The following EFCAB5 variants were observed in gnomAD, a reference collection of about 807,000 sequenced individuals.
EFCAB5 encodes the protein EF-hand calcium-binding domain-containing protein 5.
A neutral mutation model predicts 167.9 loss-of-function variants in EFCAB5; 131 were observed. The observed-to-expected ratio is 0.78, with a 90% CI of 0.68 to 0.90. The LOEUF (loss-of-function observed/expected upper bound fraction) is 0.90, where lower values mean the gene tolerates loss of function less well. EFCAB5 is among the 40% of genes least tolerant of loss of function. EFCAB5 has a pLI of 0.00. For missense variants in EFCAB5, 1,663 were observed against 1,745.2 expected (o/e 0.95, Z 0.84); for synonymous variants, 574 against 602.8 (o/e 0.95, Z 0.70).
chr17:30,068,867 A>T, intron 14 of EFCAB5: 2 of 1,467,004 alleles, frequency 1.4e-6, no homozygotes, highest in Non-Finnish European at 1.9e-6. Flanking sequence ...GCTTATAGCC[A>T]TACCATGTCT....
At chr17:29,984,314 A>G (rs2068236589) in intron 4 of EFCAB5, among the ~76,000 whole-genome samples, 1 of 151,604 alleles carries the variant, frequency 6.6e-6, no homozygotes, top group Non-Finnish European at 1.5e-5. Flanking sequence ...CAGAAGAAGC[A>G]GAAGAAGACA....
chr17:30,028,088 AG>A (rs1208054934), intron 7 of EFCAB5, among the ~76,000 whole-genome samples: 6 of 152,206 alleles, frequency 3.9e-5, no homozygotes, highest in African/African-American at 1.4e-4. Context: ...AGGAGGAATA[AG>A]GGCCATGCCT....
At chr17:29,989,346 A>G (rs1253710284) in intron 4 of EFCAB5, among the ~76,000 whole-genome samples, 1 of 152,252 alleles carries the variant, frequency 6.6e-6, no homozygotes, top group East Asian at 1.9e-4. Context: ...TAACACTGTG[A>G]AAATTTTTTA....
At chr17:30,082,395 T>TTC (rs2071005564) in intron 17 of EFCAB5, among the ~76,000 whole-genome samples, 1 of 144,128 alleles carries the variant, frequency 6.9e-6, no homozygotes, top group Non-Finnish European at 1.5e-5. Flanking sequence ...TACCTCTTTT[T>TTC]TTTTTTTTTT....
chr17:30,041,353 A>C (rs1203590593), intron 8 of EFCAB5, among the ~76,000 whole-genome samples: 1 of 152,246 alleles, frequency 6.6e-6, no homozygotes, highest in Non-Finnish European at 1.5e-5. Flanking sequence ...GAGAGCTTTA[A>C]GACTTCAGTA....
At chr17:30,023,087 C>T (rs1395708160) in intron 7 of EFCAB5, among the ~76,000 whole-genome samples, 4 of 151,172 alleles carry the variant, frequency 2.6e-5, no homozygotes, top group African/African-American at 4.9e-5. Context: ...AGGAAAGATC[C>T]AAAATTGACA....
chr17:30,105,536 G>T (rs2071438498), intron 22 of EFCAB5, among the ~76,000 whole-genome samples: 1 of 151,906 alleles, frequency 6.6e-6, no homozygotes, highest in African/African-American at 2.4e-5. Context: ...AAAGAGAGAT[G>T]AATTATAACA....
chr17:30,067,367 C>T (rs966803397), intron 14 of EFCAB5, among the ~76,000 whole-genome samples: 1 of 152,126 alleles, frequency 6.6e-6, no homozygotes, highest in Non-Finnish European at 1.5e-5. Flanking sequence ...CTAATCCCAG[C>T]ACTTTGGGGG....
intron 1 of EFCAB5, among the ~76,000 whole-genome samples, chr17:29,933,905 G>C (rs1376045834): frequency 6.6e-6 from 1 of 151,984 alleles, no homozygotes; most frequent in Non-Finnish European, 1.5e-5. Context: ...AATAGTATTT[G>C]TACAGCACAC....
intron 2 of EFCAB5, 38 bp from the exon 3 acceptor site, chr17:29,943,527 T>G: frequency 6.7e-7 from 1 of 1,497,280 alleles, no homozygotes; most frequent in Non-Finnish European, 9.1e-7. Flanking sequence ...GAAAATCAAG[T>G]CACATTGAAA....
At position 30,053,394 on chromosome 17, in the gene EFCAB5, C is replaced by A. The variant is rs762040797; in HGVS notation, c.1440C>A (p.Thr480=). The change falls in exon 10 of 23, where the codon ACC becomes ACA. Residue 480 remains threonine, a synonymous_variant. Coordinates refer to ENST00000394835, the MANE Select transcript of EFCAB5 (RefSeq NM_198529.4). ...TTTCTGCAAATCATGCTAGCAAAACCCAAAGTAAATTATTAGAAAGTCCAG... is the reference window on the plus strand; with the variant it reads ...TTTCTGCAAATCATGCTAGCAAAACACAAAGTAAATTATTAGAAAGTCCAG... ...TLLSANHASK[T]QSKLLESPDQ... is the part of the protein sequence containing the mutation. The A allele has an allele frequency of 3.7e-6, 6 of 1,613,732 alleles. No homozygotes were observed. The highest frequency in any genetic ancestry group is 5.1e-6 in the Non-Finnish European group (6 of 1,179,842).
chr17:29,983,972 T>G (rs2068229117), intron 4 of EFCAB5, among the ~76,000 whole-genome samples: 1 of 152,118 alleles, frequency 6.6e-6, no homozygotes, highest in East Asian at 1.9e-4. Flanking sequence ...TTTTGTGTAT[T>G]CATTTTTGTG....
At chr17:30,037,680 A>G (rs1487444833) in intron 8 of EFCAB5, among the ~76,000 whole-genome samples, 1 of 152,248 alleles carries the variant, frequency 6.6e-6, no homozygotes, top group Non-Finnish European at 1.5e-5. Context: ...AGCATTCTGG[A>G]TATATCTACT....
chr17:29,951,141 C>G (rs1460433807), intron 3 of EFCAB5, among the ~76,000 whole-genome samples: 3 of 151,968 alleles, frequency 2.0e-5, no homozygotes, highest in Non-Finnish European at 4.4e-5. Flanking sequence ...GAGAAGAGGC[C>G]AAGGAAGAAA....
intron 8 of EFCAB5, among the ~76,000 whole-genome samples, chr17:30,045,393 G>A (rs2069894201): frequency 6.7e-6 from 1 of 150,184 alleles, no homozygotes; most frequent in Non-Finnish European, 1.5e-5. Flanking sequence ...GGGAGGCAGA[G>A]GTTGCAGTGA....
intron 3 of EFCAB5, among the ~76,000 whole-genome samples, chr17:29,954,947 C>T (rs951582409): frequency 5.3e-5 from 8 of 152,122 alleles, no homozygotes; most frequent in Non-Finnish European, 1.0e-4. Flanking sequence ...ATTTTACTGC[C>T]CTGTTGTATT....
chr17:29,966,809 C>T (rs1395245833), intron 3 of EFCAB5, among the ~76,000 whole-genome samples: 2 of 152,024 alleles, frequency 1.3e-5, no homozygotes, highest in African/African-American at 4.8e-5. Context: ...TATTTCTGCA[C>T]AGGAAATTTG....
intron 14 of EFCAB5, among the ~76,000 whole-genome samples, chr17:30,066,556 C>T (rs961224919): frequency 4.6e-5 from 7 of 151,840 alleles, no homozygotes; most frequent in African/African-American, 1.7e-4. Context: ...TAAATGCTCA[C>T]ATCAAAATTG....
At chr17:29,946,842 G>A (rs1020203726) in intron 3 of EFCAB5, among the ~76,000 whole-genome samples, 1 of 152,172 alleles carries the variant, frequency 6.6e-6, no homozygotes, top group Non-Finnish European at 1.5e-5. Flanking sequence ...ATATTAAAAA[G>A]ACACCTGCAT....
Sources: gnomAD v4.1 joint callset for allele counts (sites outside exome capture counted in the v4.1 genomes callset) on GRCh38, gnomAD v4.1.1 for gene constraint, MANE v1.5 for transcripts, NCBI Gene and HGNC (gene_info 2026-07-23, HGNC 2026-07-21) for gene names.